Variants in GAB1 observed in about 807,000 individuals in gnomAD.
The protein encoded by GAB1 is GRB2 associated binding protein 1.
In GAB1, 19 loss-of-function variants were observed where a neutral mutation model predicts 66.5. That is an observed-to-expected ratio of 0.29 (90% CI 0.20 to 0.42). The LOEUF (loss-of-function observed/expected upper bound fraction) is 0.42. Among genes scored for constraint, GAB1 ranks in the 10% least tolerant of loss-of-function variants. The pLI, the probability that GAB1 is intolerant of heterozygous loss-of-function variation, is 1.00. For synonymous variants in GAB1, 294 were observed against 301.4 expected, an observed-to-expected ratio of 0.98 and a Z score of 0.25; for missense variants, 732 against 858.5, an observed-to-expected ratio of 0.85 and a Z score of 1.84.
chr4:143,387,965 G>C (rs1730996057), intron 1 of GAB1, among the ~76,000 whole-genome samples: 1 of 152,130 alleles, frequency 6.6e-6, no homozygotes, highest in African/African-American at 2.4e-5. Context: ...CTGTCCAAAG[G>C]GTTTGGGGAT....
At chr4:143,437,146 T>TA (rs962817466) in intron 3 of GAB1, among the ~76,000 whole-genome samples, 23 of 151,186 alleles carry the variant, frequency 1.5e-4, no homozygotes, top group East Asian at 5.9e-4. Flanking sequence ...GTAAGCCCTT[T>TA]AAAAAAAAAT....
chr4:143,416,080 G>C (rs927205901), intron 2 of GAB1, among the ~76,000 whole-genome samples: 1 of 152,130 alleles, frequency 6.6e-6, no homozygotes, highest in African/African-American at 2.4e-5. Context: ...ATATAACACT[G>C]TTGATATTTT....
chr4:143,447,469 T>C (rs958483652), intron 6 of GAB1, among the ~76,000 whole-genome samples: 48 of 152,234 alleles, frequency 3.2e-4, no homozygotes, highest in African/African-American at 1.2e-3. Context: ...CTTTTATTTC[T>C]TTGAGCAGTG....
chr4:143,429,952 T>C (rs1397670233), intron 2 of GAB1, among the ~76,000 whole-genome samples: 1 of 152,204 alleles, frequency 6.6e-6, no homozygotes, highest in Non-Finnish European at 1.5e-5. Context: ...CAAAATAAGT[T>C]TCCTTGGACT....
rs1461252538 is a variant in GAB1, at chr4:143,445,387, C to G, written c.1585+5005C>G. 3.3e-5 allele frequency among the ~76,000 whole-genome samples: 5 copies of G among 152,102 alleles called. No individual in the cohort carries two copies. In the South Asian group the frequency reaches 1.0e-3, roughly 32 times the overall value. ...ATACATTTGTTGGCCACTTGTATGT[C>G]TCATTTCTAGAAGTATCAGTTCATG... On this transcript the variant is annotated intron_variant, in intron 6 of 9. Transcript: ENST00000262994.
At chr4:143,458,130 A>G (rs1408833016) in intron 6 of GAB1, among the ~76,000 whole-genome samples, 1 of 152,138 alleles carries the variant, frequency 6.6e-6, no homozygotes, top group Non-Finnish European at 1.5e-5. Flanking sequence ...ATAAAGAATC[A>G]TTTCCATGGA....
intron 1 of GAB1, among the ~76,000 whole-genome samples, chr4:143,409,930 A>G (rs183588188): frequency 8.5e-5 from 13 of 152,232 alleles, no homozygotes; most frequent in Admixed American, 2.0e-4. Flanking sequence ...GATTGGATCT[A>G]TGGTTCTTAA....
intron 6 of GAB1, among the ~76,000 whole-genome samples, chr4:143,452,660 C>T (rs971495521): frequency 6.6e-6 from 1 of 152,166 alleles, no homozygotes; most frequent in Non-Finnish European, 1.5e-5. Flanking sequence ...CATCTCTAAT[C>T]GTACTCCAAA....
chr4:143,455,965 AC>A (rs1315041654), intron 6 of GAB1, among the ~76,000 whole-genome samples: 1 of 152,072 alleles, frequency 6.6e-6, no homozygotes, highest in Non-Finnish European at 1.5e-5. Flanking sequence ...GGAAGTCTCA[AC>A]TCTGCCTCCG....
At chr4:143,421,538 AC>A (rs1733014238) in intron 2 of GAB1, among the ~76,000 whole-genome samples, 1 of 152,088 alleles carries the variant, frequency 6.6e-6, no homozygotes, top group Non-Finnish European at 1.5e-5. Context: ...AGTTTACTTT[AC>A]ATTCTCATCA....
chr4:143,373,487 A>G (rs1231426400), intron 1 of GAB1, among the ~76,000 whole-genome samples: 1 of 152,192 alleles, frequency 6.6e-6, no homozygotes, highest in East Asian at 1.9e-4. Flanking sequence ...ATGAAGATAC[A>G]GTCTTCATTT....
At chr4:143,439,660 C>T in intron 4 of GAB1, 142 bp from the exon 5 acceptor site, 1 of 629,626 alleles carries the variant, frequency 1.6e-6, no homozygotes, top group Non-Finnish European at 2.9e-6. Context: ...AGACACAGTT[C>T]TATGAGCATC....
chr4:143,446,540 G>T (rs1245475687), intron 6 of GAB1, among the ~76,000 whole-genome samples: 37 of 149,950 alleles, frequency 2.5e-4, no homozygotes, highest in Admixed American at 4.0e-4. Context: ...TTCTCTGATG[G>T]CCAGTGATGA....
chr4:143,439,243 C>T (rs1734098423), intron 4 of GAB1, among the ~76,000 whole-genome samples: 1 of 152,126 alleles, frequency 6.6e-6, no homozygotes, highest in Non-Finnish European at 1.5e-5. Flanking sequence ...CTGGGTGATT[C>T]TCTGAGATTC....
intron 2 of GAB1, among the ~76,000 whole-genome samples, chr4:143,428,022 G>A (rs893711013): frequency 2.6e-5 from 4 of 152,196 alleles, no homozygotes; most frequent in African/African-American, 9.7e-5. Context: ...GGCCTATGGG[G>A]GTGGGAATAT....
intron 1 of GAB1, among the ~76,000 whole-genome samples, chr4:143,363,347 T>A (rs1346569323): frequency 6.6e-6 from 1 of 152,178 alleles, no homozygotes; most frequent in Non-Finnish European, 1.5e-5. Flanking sequence ...CCTTAAGAGC[T>A]CCTGGGTGCT....
At chr4:143,446,890 A>G (rs1734584254) in intron 6 of GAB1, among the ~76,000 whole-genome samples, 1 of 151,316 alleles carries the variant, frequency 6.6e-6, no homozygotes, top group South Asian at 2.1e-4. Flanking sequence ...CCTGAATGGT[A>G]ATGCCTAGGT....
intron 2 of GAB1, among the ~76,000 whole-genome samples, chr4:143,430,084 A>G (rs952991535): frequency 1.3e-5 from 2 of 152,204 alleles, no homozygotes; most frequent in Non-Finnish European, 2.9e-5. Context: ...TCAGCCCTCC[A>G]TGAATCCTGT....
At chr4:143,410,958 G>C (rs1231235026) in intron 1 of GAB1, among the ~76,000 whole-genome samples, 1 of 152,190 alleles carries the variant, frequency 6.6e-6, no homozygotes, top group African/African-American at 2.4e-5. Flanking sequence ...TTAGGAAAAA[G>C]GTGGAAATGG....
Sources: allele counts gnomAD v4.1 joint callset (sites outside exome capture counted in the v4.1 genomes callset), GRCh38; gene constraint gnomAD v4.1.1; transcripts MANE v1.5; gene names NCBI Gene and HGNC (gene_info 2026-07-23, HGNC 2026-07-21).